ATRNL1: variants seen among roughly 807,000 people sequenced by gnomAD.
The protein encoded by ATRNL1 is attractin like 1, also known as attractin-like protein 1.
A neutral mutation model predicts 182.7 loss-of-function variants in ATRNL1; 95 were observed. The observed-to-expected ratio is 0.52, with a 90% CI of 0.44 to 0.62. The LOEUF (loss-of-function observed/expected upper bound fraction) is 0.62, where lower values mean the gene tolerates loss of function less well. ATRNL1 is among the 20% of genes least tolerant of loss of function. ATRNL1 has a pLI of 0.00. For synonymous variants in ATRNL1, 576 were observed against 568.3 expected (o/e 1.01, Z -0.19); for missense variants, 1,471 against 1,679.5 (o/e 0.88, Z 2.17).
chr10:115,804,795 T>G (rs555516146), intron 27 of ATRNL1, among the ~76,000 whole-genome samples: 2 of 152,254 alleles, frequency 1.3e-5, no homozygotes, highest in South Asian at 4.1e-4. Context: ...GGAAACATAT[T>G]AAGATCACAG....
chr10:115,308,579 A>G (rs1213442247), intron 17 of ATRNL1, among the ~76,000 whole-genome samples: 4 of 152,140 alleles, frequency 2.6e-5, no homozygotes. Context: ...CCCATTTGAA[A>G]AACCATTTTG....
chr10:115,738,126 ATTTTTTTTTTTTTT>A lies in ATRNL1; in HGVS notation c.3903+10788_3903+10801del, dbSNP rs10546896. On this transcript the variant is annotated intron_variant, in intron 27 of 28. Coordinates refer to ENST00000355044, the MANE Select transcript of ATRNL1 (RefSeq NM_207303.4). Reference sequence around the variant, plus strand: ...ATAAAAAATGATTTAGAAGATAATGATTTTTTTTTTTTTTTTTTTTTTTTTTTTTTGAGATGGAG... The same window carrying A: ...ATAAAAAATGATTTAGAAGATAATGATTTTTTTTTTTTTTTTGAGATGGAG... Among the ~76,000 whole-genome samples, 151 of 47,118 alleles carry A rather than the reference ATTTTTTTTTTTTTT, an allele frequency of 3.2e-3. 3 individuals carry two copies. The highest frequency in any genetic ancestry group is 8.8e-3 in the African/African-American group (134 of 15,234). 30.9% of individuals were successfully genotyped at this position (47,118 alleles called of 152,430 possible).
chr10:115,474,538 G>T (rs540199798), intron 24 of ATRNL1, among the ~76,000 whole-genome samples: 1 of 151,078 alleles, frequency 6.6e-6, no homozygotes, highest in South Asian at 2.1e-4. Context: ...TAGATGCCTC[G>T]AGTTTAGGGA....
At chr10:115,714,120 T>C (rs1461710430) in intron 26 of ATRNL1, among the ~76,000 whole-genome samples, 1 of 152,206 alleles carries the variant, frequency 6.6e-6, no homozygotes, top group Admixed American at 6.5e-5. Flanking sequence ...GTTTTCTGGA[T>C]TGCCCCATCA....
At chr10:115,111,163 T>C (rs1844239701) in intron 1 of ATRNL1, among the ~76,000 whole-genome samples, 1 of 152,182 alleles carries the variant, frequency 6.6e-6, no homozygotes, top group Non-Finnish European at 1.5e-5. Flanking sequence ...GTAGATTAAT[T>C]TGAAAATAAT....
chr10:115,413,231 C>A (rs902910412), intron 20 of ATRNL1, among the ~76,000 whole-genome samples: 1 of 152,046 alleles, frequency 6.6e-6, no homozygotes, highest in Non-Finnish European at 1.5e-5. Context: ...GGTGACTCTG[C>A]TATTAGAATC....
intron 28 of ATRNL1, among the ~76,000 whole-genome samples, chr10:115,928,824 T>C (rs1953311932): frequency 6.6e-6 from 1 of 152,048 alleles, no homozygotes; most frequent in Non-Finnish European, 1.5e-5. Flanking sequence ...GTTTCATGTA[T>C]CTGTGTTTGT....
intron 19 of ATRNL1, among the ~76,000 whole-genome samples, chr10:115,374,289 A>T (rs1857544379): frequency 6.6e-6 from 1 of 151,732 alleles, no homozygotes; most frequent in Non-Finnish European, 1.5e-5. Flanking sequence ...TTTCAAAGGA[A>T]AAAACTCTTA....
At chr10:115,175,196 G>A (rs1328187147) in intron 8 of ATRNL1, among the ~76,000 whole-genome samples, 1 of 151,980 alleles carries the variant, frequency 6.6e-6, no homozygotes, top group African/African-American at 2.4e-5. Context: ...ACAGTTGGCA[G>A]AATATATTTC....
At chr10:115,214,034 A>G (rs1239109957) in intron 8 of ATRNL1, among the ~76,000 whole-genome samples, 2 of 122,286 alleles carry the variant, frequency 1.6e-5, no homozygotes, top group Admixed American at 9.1e-5. Flanking sequence ...TTTTTAGTAC[A>G]AATATGTACA....
intron 27 of ATRNL1, among the ~76,000 whole-genome samples, chr10:115,772,703 C>A (rs1949025964): frequency 6.6e-6 from 1 of 151,288 alleles, no homozygotes; most frequent in African/African-American, 2.4e-5. Flanking sequence ...CCATAAGTAT[C>A]CCTACAGATA....
intron 28 of ATRNL1, among the ~76,000 whole-genome samples, chr10:115,932,905 A>G (rs1953446111): frequency 6.6e-6 from 1 of 152,170 alleles, no homozygotes; most frequent in Non-Finnish European, 1.5e-5. Flanking sequence ...TACTATGGAA[A>G]ATTATTATGT....
intron 26 of ATRNL1, among the ~76,000 whole-genome samples, chr10:115,668,051 G>A (rs1555040230): frequency 1.3e-5 from 2 of 152,100 alleles, no homozygotes; most frequent in African/African-American, 4.8e-5. Flanking sequence ...GAAGCAGCAT[G>A]CACCTACAAA....
intron 1 of ATRNL1, among the ~76,000 whole-genome samples, chr10:115,106,777 C>A (rs1369727825): frequency 6.6e-6 from 1 of 152,144 alleles, no homozygotes; most frequent in African/African-American, 2.4e-5. Context: ...CCATGTGGAA[C>A]TGTAAGTCTG....
chr10:115,385,442 CTT>C (rs1858283194), intron 19 of ATRNL1, among the ~76,000 whole-genome samples: 1 of 152,032 alleles, frequency 6.6e-6, no homozygotes, highest in Non-Finnish European at 1.5e-5. Context: ...TTTAAGAAGT[CTT>C]ATAATATTTC....
chr10:115,204,897 G>T (rs1263135540), intron 8 of ATRNL1, among the ~76,000 whole-genome samples: 2 of 151,984 alleles, frequency 1.3e-5, no homozygotes, highest in African/African-American at 4.8e-5. Context: ...AAGCTCATTT[G>T]TTCCTGGGCT....
rs540617413 is a variant in ATRNL1, at chr10:115,856,511, T to C, written c.4018+8520T>C. Among the ~76,000 whole-genome samples, 4 of 150,148 alleles carry C rather than the reference T, an allele frequency of 2.7e-5. No homozygotes were observed. In the East Asian group the frequency reaches 7.9e-4, roughly 30 times the overall value. On this transcript the variant is annotated intron_variant, in intron 28 of 28. Coordinates refer to ENST00000355044, the MANE Select transcript of ATRNL1 (RefSeq NM_207303.4). ...CACCATGCTGTCCTTTGAGTTACTG[T>C]AACCCTATAGGGCAGCAGTCCCCAA...
chr10:115,533,162 G>C (rs1411450821), intron 25 of ATRNL1, among the ~76,000 whole-genome samples: 1 of 152,092 alleles, frequency 6.6e-6, no homozygotes, highest in African/African-American at 2.4e-5. Flanking sequence ...GATTGGAATA[G>C]TTTCAGAAGG....
intron 19 of ATRNL1, among the ~76,000 whole-genome samples, chr10:115,356,169 A>G (rs1554942779): frequency 6.6e-6 from 1 of 152,026 alleles, no homozygotes; most frequent in East Asian, 1.9e-4. Flanking sequence ...AACCATTCTC[A>G]CACATTGTAG....
Sources: gnomAD v4.1 joint callset for allele counts (sites outside exome capture counted in the v4.1 genomes callset) on GRCh38, gnomAD v4.1.1 for gene constraint, MANE v1.5 for transcripts, NCBI Gene and HGNC (gene_info 2026-07-23, HGNC 2026-07-21) for gene names.